Variants in GPD2 observed in about 807,000 individuals in gnomAD.
GPD2 encodes the protein glycerol-3-phosphate dehydrogenase 2.
In GPD2, 54 loss-of-function variants were observed where a neutral mutation model predicts 82.4. That is an observed-to-expected ratio of 0.66 (90% CI 0.53 to 0.82). The LOEUF is 0.82. Ranked by LOEUF, GPD2 falls within the 40% of genes least tolerant of loss-of-function variation. The probability of loss-of-function intolerance (pLI) is 0.00; values close to 1 mark genes in which losing one functional copy is unlikely to be tolerated. For synonymous variants in GPD2, 288 were observed against 306.1 expected, an observed-to-expected ratio of 0.94 and a Z score of 0.62; for missense variants, 748 against 896.2, an observed-to-expected ratio of 0.83 and a Z score of 2.11.
At chr2:156,571,769 A>G (rs555223238) in intron 13 of GPD2, among the ~76,000 whole-genome samples, 1 of 152,272 alleles carries the variant, frequency 6.6e-6, no homozygotes, top group African/African-American at 2.4e-5. Context: ...CAACACATAC[A>G]TACATACATA....
intron 13 of GPD2, among the ~76,000 whole-genome samples, chr2:156,577,140 G>A (rs1034286498): frequency 6.6e-6 from 1 of 152,096 alleles, no homozygotes; most frequent in African/African-American, 2.4e-5. Context: ...AATGTTTCTA[G>A]TATCTATTTC....
At chr2:156,574,255 A>G (rs1687739903) in intron 13 of GPD2, among the ~76,000 whole-genome samples, 1 of 152,178 alleles carries the variant, frequency 6.6e-6, no homozygotes, top group South Asian at 2.1e-4. Flanking sequence ...TGCAGGGTAC[A>G]AATTAATATA....
chr2:156,496,516 T>C (rs1360368227), intron 3 of GPD2, among the ~76,000 whole-genome samples: 2 of 152,164 alleles, frequency 1.3e-5, no homozygotes, highest in Non-Finnish European at 2.9e-5. Flanking sequence ...ATACACAATA[T>C]GCAGTCTATA....
intron 4 of GPD2, among the ~76,000 whole-genome samples, chr2:156,511,269 G>A (rs1401857895): frequency 6.6e-6 from 1 of 152,126 alleles, no homozygotes; most frequent in Non-Finnish European, 1.5e-5. Context: ...GTAATGCAGG[G>A]GGAGTGCGAA....
Position 156,569,957 on chromosome 2 carries a change from T to A in GPD2, c.1477-130T>A, listed in dbSNP as rs534467647. ...GGTTTCCTTCCACAAAATCAAAATA[T>A]AATACTCTCCGAGAGCTATTAGTTA... On this transcript the variant is annotated intron_variant, in intron 11 of 16. Transcript: ENST00000438166. 4.1e-5 allele frequency: 33 copies of A among 799,198 alleles called. No homozygotes were observed. The South Asian group carries it at 5.1e-4, about 12-fold the overall frequency. The allele number at this position is 799,198 out of a possible 1,614,324, so 49.5% of individuals were successfully genotyped here.
At chr2:156,554,802 A>T (rs142638771) in intron 8 of GPD2, among the ~76,000 whole-genome samples, 2 of 152,174 alleles carry the variant, frequency 1.3e-5, no homozygotes, top group Non-Finnish European at 2.9e-5. Flanking sequence ...TTTTCCTATA[A>T]TGTGTGTACA....
intron 8 of GPD2, among the ~76,000 whole-genome samples, chr2:156,555,334 A>C (rs113049586): frequency 2.0e-5 from 3 of 152,172 alleles, no homozygotes; most frequent in Non-Finnish European, 4.4e-5. Flanking sequence ...TTGCATTGCA[A>C]GTTTTTAAAA....
intron 8 of GPD2, among the ~76,000 whole-genome samples, chr2:156,555,103 T>C (rs1686911815): frequency 6.6e-6 from 1 of 152,242 alleles, no homozygotes; most frequent in Non-Finnish European, 1.5e-5. Flanking sequence ...AAAACAGACT[T>C]TTCCCGAAGG....
At chr2:156,517,090 A>G (rs1409008901) in intron 6 of GPD2, among the ~76,000 whole-genome samples, 1 of 152,206 alleles carries the variant, frequency 6.6e-6, no homozygotes, top group Non-Finnish European at 1.5e-5. Flanking sequence ...AAGTTCATAG[A>G]GGTAATAAAG....
At chr2:156,539,436 G>T (rs1027991434) in intron 6 of GPD2, among the ~76,000 whole-genome samples, 5 of 152,152 alleles carry the variant, frequency 3.3e-5, no homozygotes, top group Non-Finnish European at 5.9e-5. Context: ...TCATGTAAAT[G>T]CCCTAGTACA....
intron 3 of GPD2, among the ~76,000 whole-genome samples, chr2:156,498,391 T>G (rs1684462958): frequency 6.6e-6 from 1 of 152,130 alleles, no homozygotes; most frequent in African/African-American, 2.4e-5. Context: ...CTACATAGAA[T>G]GGTCAGGAGT....
intron 6 of GPD2, among the ~76,000 whole-genome samples, chr2:156,545,691 C>T (rs1355604129): frequency 3.3e-5 from 5 of 152,058 alleles, no homozygotes; most frequent in Admixed American, 1.3e-4. Flanking sequence ...GAGTTTTAGA[C>T]CTGAAGAAAC....
Position 156,496,233 on chromosome 2 carries a change from TTATTTTA to T in GPD2, c.274+19_274+25del. On this transcript the variant is annotated intron_variant, in intron 3 of 16. Coordinates refer to ENST00000438166, the MANE Select transcript of GPD2 (RefSeq NM_000408.5). ...CACCAGAGGTAAGTCTTTTTTTTTT[TTATTTTA>T]ATTTTAAGTTCTGGGGTACATGTGC... 6.5e-7 allele frequency: 1 copy of T among 1,549,628 alleles called. No homozygotes were observed. The highest frequency in any genetic ancestry group is 8.9e-7 in the Non-Finnish European group (1 of 1,124,940).
intron 1 of GPD2, among the ~76,000 whole-genome samples, chr2:156,470,554 A>G (rs970041822): frequency 8.5e-5 from 13 of 152,206 alleles, no homozygotes; most frequent in Non-Finnish European, 1.8e-4. Flanking sequence ...AGGCTTCTGG[A>G]AGAGAGAAGA....
At chr2:156,576,195 A>G (rs1161245175) in intron 13 of GPD2, among the ~76,000 whole-genome samples, 1 of 152,194 alleles carries the variant, frequency 6.6e-6, no homozygotes, top group Admixed American at 6.5e-5. Flanking sequence ...CCCAAATCCA[A>G]TTGCAATCTT....
Position 156,510,560 on chromosome 2 carries a change from C to G in GPD2, c.275-236C>G, listed in dbSNP as rs553628243. Reference sequence around the variant, plus strand: ...CCATGAAATTGCACTGTAATATTTTCTAGTTGTGATTCATTCACAGCTTAA... The same window carrying G: ...CCATGAAATTGCACTGTAATATTTTGTAGTTGTGATTCATTCACAGCTTAA... On this transcript the variant is annotated intron_variant, in intron 3 of 16. Transcript: ENST00000438166. 5.3e-5 allele frequency among the ~76,000 whole-genome samples: 8 copies of G among 152,298 alleles called. No homozygotes were observed. The South Asian group carries it at 1.7e-3, about 32-fold the overall frequency.
At position 156,464,418 on chromosome 2, in the gene GPD2, T is replaced by G. The variant is rs566553138; in HGVS notation, c.-8-11680T>G. Among the ~76,000 whole-genome samples, 17 of 152,312 alleles carry G rather than the reference T, an allele frequency of 1.1e-4. No homozygotes were observed. The South Asian group carries it at 3.3e-3, about 30-fold the overall frequency. Reference sequence around the variant, plus strand: ...TAGTTCCATTTATACTTGTGGATTATTAGATGTACAGAGGAGTAAATTTTA... The same window carrying G: ...TAGTTCCATTTATACTTGTGGATTAGTAGATGTACAGAGGAGTAAATTTTA... On this transcript the variant is annotated intron_variant, in intron 1 of 16. Transcript: ENST00000438166.
chr2:156,570,387 A>G (rs1687570985), intron 12 of GPD2, among the ~76,000 whole-genome samples, 169 bp downstream of exon 12: 1 of 152,150 alleles, frequency 6.6e-6, no homozygotes. Flanking sequence ...TAAAATTTTA[A>G]TCTTAATTCT....
intron 6 of GPD2, among the ~76,000 whole-genome samples, chr2:156,520,466 C>T (rs1056437739): frequency 6.6e-6 from 1 of 151,816 alleles, no homozygotes; most frequent in Non-Finnish European, 1.5e-5. Flanking sequence ...TATTAGGGTT[C>T]CTGGTCTTTC....
Sources: gnomAD v4.1 joint callset for allele counts (sites outside exome capture counted in the v4.1 genomes callset) on GRCh38, gnomAD v4.1.1 for gene constraint, MANE v1.5 for transcripts, NCBI Gene and HGNC (gene_info 2026-07-23, HGNC 2026-07-21) for gene names.